SRRM2: variants seen among roughly 807,000 people sequenced by gnomAD.
SRRM2 encodes the protein serine/arginine repetitive matrix protein 2.
A neutral mutation model predicts 213.8 loss-of-function variants in SRRM2; 30 were observed. That is an observed-to-expected ratio of 0.14 (90% CI 0.10 to 0.19). SRRM2 has a LOEUF of 0.19. Ranked by LOEUF, SRRM2 falls within the 10% of genes least tolerant of loss-of-function variation. The pLI is 1.00. For synonymous variants in SRRM2, 2,025 were observed against 1,377.7 expected (o/e 1.47, Z -10.40); for missense variants, 4,904 against 3,647.0 (o/e 1.34, Z -8.88).
At chr16:2,754,031 TTTG>T (rs2068047290) in intron 1 of SRRM2, among the ~76,000 whole-genome samples, 1 of 152,220 alleles carries the variant, frequency 6.6e-6, no homozygotes, top group African/African-American at 2.4e-5. Flanking sequence ...TTTGTCTTCC[TTTG>T]TACTTTTTAC....
chr16:2,769,532 A>G, intron 12 of SRRM2: 1 of 645,192 alleles, frequency 1.5e-6, no homozygotes, highest in South Asian at 1.7e-5. Flanking sequence ...CTCCCTCAAC[A>G]CATAGCCTGT....
chr16:2,758,128 A>G (rs1231735811), intron 4 of SRRM2, among the ~76,000 whole-genome samples, 183 bp downstream of exon 4: 1 of 152,172 alleles, frequency 6.6e-6, no homozygotes, highest in Non-Finnish European at 1.5e-5. Context: ...TAATCCCAGC[A>G]TTTTGGGAAG....
chr16:2,763,339 T>A lies in SRRM2; in HGVS notation c.2811T>A (p.Ser937Arg), dbSNP rs141506833. ...GCCATTCTGGCTCCTCTTCTCCAAG[T>A]CCTAGTAGGGTGACGTCGAGAACAA... ...QRSHSGSSSP[S>R]PSRVTSRTTP... Residue 937 changes from serine (S) to arginine (R), a missense_variant, in exon 11 of 15, where the codon AGT becomes AGA. Transcript: ENST00000301740. The A allele has an allele frequency of 1.9e-6, 3 of 1,614,018 alleles. No individual in the cohort carries two copies. The African/African-American group carries it at 4.0e-5, about 22-fold the overall frequency.
rs1194944971 is a variant in SRRM2 at position 2,769,017 on chromosome 16, C to A, written c.7754C>A (p.Ala2585Asp). 6.2e-7 allele frequency: 1 copy of A among 1,613,994 alleles called. No individual in the cohort carries two copies. The highest frequency in any genetic ancestry group is 8.5e-7 in the Non-Finnish European group (1 of 1,179,960). Residue 2585 changes from alanine to aspartate, a missense_variant, in exon 12 of 15, where the codon GCC becomes GAC. Ala to Asp is a moderately radical substitution (Grantham distance 126, BLOSUM62 -2). Transcript: ENST00000301740. ...CACAGGGTCCCCAGCCCCACCCCAG[C>A]CCCAAAGGAGGCTGTTCGAGAGGGA... ...ALKRVPSPTP[A>D]PKEAVREGRP...
At chr16:2,759,082 G>A (rs377552572) in intron 6 of SRRM2, 35 bp downstream of exon 6, 1 of 1,614,070 alleles carries the variant, frequency 6.2e-7, no homozygotes, top group African/African-American at 1.3e-5. Context: ...ACTGGAGAAG[G>A]TTTGCTGAAT....
chr16:2,763,939 G>T lies in SRRM2; in HGVS notation c.3411G>T (p.Arg1137Ser). The change falls in exon 11 of 15, where the codon AGG becomes AGT. Residue 1137 changes from arginine to serine, a missense_variant. Physicochemically the swap from Arg to Ser is moderately radical, Grantham distance 110. Coordinates refer to ENST00000301740, the MANE Select transcript of SRRM2 (RefSeq NM_016333.4). ...LKSGMSPEQS[R>S]FQSDSSSYPT... Reference sequence around the variant, plus strand: ...CTGGAATGTCTCCTGAGCAGAGCAGGTTCCAGTCTGACTCTTCTTCATATC... The same window carrying T: ...CTGGAATGTCTCCTGAGCAGAGCAGTTTCCAGTCTGACTCTTCTTCATATC... The T allele has an allele frequency of 6.2e-7, 1 of 1,614,188 alleles. No homozygotes were observed. The highest frequency in any genetic ancestry group is 1.1e-5 in the South Asian group (1 of 91,082).
In SRRM2 at chr16:2,765,843, G is replaced by A. The variant is rs956672067; in HGVS notation, c.5315G>A (p.Arg1772Lys). 2 of 1,614,028 alleles carry A rather than the reference G, an allele frequency of 1.2e-6. No individual in the cohort carries two copies. Among genetic ancestry groups the A allele is most frequent in the Middle Eastern group, 3.3e-4 (2 of 6,062 alleles). The change falls in exon 11 of 15, where the codon AGG becomes AAG. Residue 1772 changes from arginine to lysine, a missense_variant. Physicochemically the swap from Arg to Lys is conservative, Grantham distance 26. Coordinates refer to ENST00000301740, the MANE Select transcript of SRRM2 (RefSeq NM_016333.4). ...SPSPKPRGLQ[R>K]SRSRSRREKT... The stretch of plus-strand genomic sequence containing the variant: ...TCGCCAAAGCCTCGTGGACTCCAGA[G>A]GTCCCGTTCCCGCTCAAGGAGAGAG...
chr16:2,767,443 C>G lies in SRRM2; in HGVS notation c.6915C>G (p.Ala2305=). 1 of 1,614,218 alleles carries G rather than the reference C, an allele frequency of 6.2e-7. No individual in the cohort carries two copies. Among genetic ancestry groups the G allele is most frequent in the Non-Finnish European group, 8.5e-7 (1 of 1,180,036 alleles). ...TAGCAGGGGCCAGAACCCCAGCTGC[C>G]TTGGCAGCTCTGAGTCTCACAGGCT... ...VNLAGARTPA[A]LAALSLTGSG... Residue 2305 remains alanine, a synonymous_variant, in exon 11 of 15, where the codon GCC becomes GCG. Coordinates refer to ENST00000301740, the MANE Select transcript of SRRM2 (RefSeq NM_016333.4).
In SRRM2 at chr16:2,766,894, G is replaced by T. The variant is rs1346909217; in HGVS notation, c.6366G>T (p.Met2122Ile). ...SRMSCFSRPS[M>I]SPTPLDRCRS... ...TGAGCTGCTTCAGTCGTCCTAGCAT[G>T]TCCCCAACACCTCTTGATCGCTGCA... The change falls in exon 11 of 15, where the codon ATG becomes ATT. Residue 2122 changes from methionine to isoleucine, a missense_variant. Physicochemically the swap from Met to Ile is conservative, Grantham distance 10. Transcript: ENST00000301740. The surrounding 1 kb of genome is among the most constrained non-coding windows in gnomAD (Gnocchi z 7.0). 3 of 1,614,096 alleles carry T rather than the reference G, an allele frequency of 1.9e-6. No individual in the cohort carries two copies. In the Admixed American group the frequency reaches 5.0e-5, roughly 27 times the overall value.
At chr16:2,753,298 C>G (rs1019271328) in intron 1 of SRRM2, 1 of 152,262 alleles carries the variant, frequency 6.6e-6, no homozygotes, top group Non-Finnish European at 1.5e-5. Flanking sequence ...TTGGGCTGCC[C>G]GTGTCGGGGG....
chr16:2,763,543 G>T lies in SRRM2; in HGVS notation c.3015G>T (p.Pro1005=). 1 of 1,614,076 alleles carries T rather than the reference G, an allele frequency of 6.2e-7. No homozygotes were observed. The highest frequency in any genetic ancestry group is 8.5e-7 in the Non-Finnish European group (1 of 1,180,020). The part of the protein sequence containing the change: ...PYPKVKAQTP[P]GPSLSGSKSP... ...CCAAAGTAAAGGCCCAAACTCCACC[G>T]GGGCCAAGTCTTTCTGGATCAAAGT... The change falls in exon 11 of 15, where the codon CCG becomes CCT. Residue 1005 remains proline (P), a synonymous_variant. Coordinates refer to ENST00000301740, the MANE Select transcript of SRRM2 (RefSeq NM_016333.4).
chr16:2,758,971 G>T lies in SRRM2; in HGVS notation c.594-14G>T. 2 of 1,614,014 alleles carry T rather than the reference G, an allele frequency of 1.2e-6. No homozygotes were observed. Among genetic ancestry groups the T allele is most frequent in the South Asian group, 1.1e-5 (1 of 91,016 alleles). The stretch of plus-strand genomic sequence containing the variant: ...AGCCAAGCAGGATGAGCTTGCTTTT[G>T]AATCCATCTTTAGCAGGTCAGAGAG... On this transcript the variant is annotated splice_polypyrimidine_tract_variant and intron_variant, in intron 5 of 14. Transcript: ENST00000301740.
In SRRM2 at chr16:2,758,472, T is replaced by G. The variant is rs2068227681; in HGVS notation, c.518T>G (p.Leu173Arg). The change falls in exon 5 of 15, where the codon CTT becomes CGT. Residue 173 changes from leucine to arginine, a missense_variant and splice_region_variant. By Grantham distance (102) the Leu-to-Arg change is moderately radical. Coordinates refer to ENST00000301740, the MANE Select transcript of SRRM2 (RefSeq NM_016333.4). Reference sequence around the variant, plus strand: ...TGCTGCTTTTCATTTTTCCCTAGCCTTGTTCGGGAGTCTAGCAGTTCTCGC... The same window carrying G: ...TGCTGCTTTTCATTTTTCCCTAGCCGTGTTCGGGAGTCTAGCAGTTCTCGC... Reference protein sequence around the residue: ...PAPEPPKPYSLVRESSSSRSP... With the variant: ...PAPEPPKPYSRVRESSSSRSP... The G allele has an allele frequency of 6.2e-7, 1 of 1,613,812 alleles. No individual in the cohort carries two copies.
Position 2,764,759 on chromosome 16 carries a change from C to T in SRRM2, c.4231C>T (p.Pro1411Ser). ...CTCTTCACCTGTGCTTGATGCTGTA[C>T]CCAGAACACCCTCGAGAGAAAGAAG... ...SISSPVLDAV[P>S]RTPSRERSSS... The change falls in exon 11 of 15, where the codon CCC (proline) becomes TCC (serine). Residue 1411 changes from proline to serine, a missense_variant. Physicochemically the swap from Pro to Ser is moderately conservative, Grantham distance 74 (BLOSUM62 -1). Coordinates refer to ENST00000301740, the MANE Select transcript of SRRM2 (RefSeq NM_016333.4). 1.9e-6 allele frequency: 3 copies of T among 1,614,128 alleles called. No homozygotes were observed. The highest frequency in any genetic ancestry group is 2.2e-5 in the South Asian group (2 of 91,078).
chr16:2,770,836 T>C lies in SRRM2; in HGVS notation c.8250-22T>C, dbSNP rs549748411. 3.7e-5 allele frequency: 59 copies of C among 1,614,038 alleles called. No individual in the cohort carries two copies. The East Asian group carries it at 8.9e-4, about 24-fold the overall frequency. On this transcript the variant is annotated intron_variant, in intron 14 of 14. Coordinates refer to ENST00000301740, the MANE Select transcript of SRRM2 (RefSeq NM_016333.4). ...GAGGGCTGGGGTGGGAACTCCCTGT[T>C]GACCCATATCTTCTCTTGCAGGTCT... is the stretch of plus-strand genomic sequence containing the variant.
rs1403142655 is a variant in SRRM2 at position 2,759,335 on chromosome 16, C to T, written c.690-17C>T. Reference sequence around the variant, plus strand: ...TTTTAAAGAAGTTACTTTTAACAACCTTTCCTTATTTCCCAGGTCTCCCAC... The same window carrying T: ...TTTTAAAGAAGTTACTTTTAACAACTTTTCCTTATTTCCCAGGTCTCCCAC... On this transcript the variant is annotated splice_polypyrimidine_tract_variant and intron_variant, in intron 7 of 14. Transcript: ENST00000301740. 4.4e-6 allele frequency: 7 copies of T among 1,608,708 alleles called. No individual in the cohort carries two copies. Among genetic ancestry groups the T allele is most frequent in the East Asian group, 2.2e-5 (1 of 44,882 alleles).
In SRRM2 at chr16:2,768,070, G is replaced by A. The variant is rs770838911; in HGVS notation, c.7542G>A (p.Gly2514=). 27 of 1,614,014 alleles carry A rather than the reference G, an allele frequency of 1.7e-5. 2 individuals are homozygous for A. The South Asian group carries it at 2.5e-4, about 15-fold the overall frequency. Residue 2514 remains glycine (G), a synonymous_variant, in exon 11 of 15, where the codon GGG becomes GGA. Transcript: ENST00000301740. ...TGGGGGAGCCACCTGCCTCTACTGG[G>A]GCCCAGCAGCCTTCTGCATTAGCCG... The part of the protein sequence containing the change: ...SDVGEPPAST[G]AQQPSALAAL...
At position 2,761,696 on chromosome 16, in the gene SRRM2, C is replaced by T. The variant is rs769115073; in HGVS notation, c.1168C>T (p.Pro390Ser). 6.2e-7 allele frequency: 1 copy of T among 1,604,372 alleles called. No individual in the cohort carries two copies. The highest frequency in any genetic ancestry group is 8.5e-7 in the Non-Finnish European group (1 of 1,175,296). ...PLATTPLSQE[P>S]VNPPSEASPT... Reference sequence around the variant, plus strand: ...TGCAACCACCCCCTTAAGCCAGGAGCCAGTGAACCCCCCATCTGAGGCCTC... The same window carrying T: ...TGCAACCACCCCCTTAAGCCAGGAGTCAGTGAACCCCCCATCTGAGGCCTC... The change falls in exon 11 of 15, where the codon CCA (proline) becomes TCA (serine). Residue 390 changes from proline to serine, a missense_variant. Physicochemically the swap from Pro to Ser is moderately conservative, Grantham distance 74. Coordinates refer to ENST00000301740, the MANE Select transcript of SRRM2 (RefSeq NM_016333.4).
chr16:2,766,042 A>C lies in SRRM2; in HGVS notation c.5514A>C (p.Arg1838=). 6.2e-7 allele frequency: 1 copy of C among 1,613,952 alleles called. No individual in the cohort carries two copies. The highest frequency in any genetic ancestry group is 8.5e-7 in the Non-Finnish European group (1 of 1,179,964). The change falls in exon 11 of 15, where the codon CGA becomes CGC. Residue 1838 remains arginine (R), a synonymous_variant. Coordinates refer to ENST00000301740, the MANE Select transcript of SRRM2 (RefSeq NM_016333.4). The surrounding 1 kb of genome is among the most constrained non-coding windows in gnomAD (Gnocchi z 7.0). The part of the protein sequence containing the change: ...QESSRTSSRR[R]RGRSRTPPTS... ...GTTCCCGGACCTCCTCTCGACGCCG[A>C]AGAGGCCGCTCTCGGACACCCCCAA...
Sources: gnomAD v4.1 joint callset for allele counts (sites outside exome capture counted in the v4.1 genomes callset) on GRCh38, gnomAD v4.1.1 for gene constraint, Gnocchi (gnomAD v3.1) non-coding constraint, MANE v1.5 for transcripts, NCBI Gene and HGNC (gene_info 2026-07-23, HGNC 2026-07-21) for gene names.